Variants in ADARB1 observed in about 807,000 individuals in gnomAD.
The protein encoded by ADARB1 is adenosine deaminase RNA specific B1.
ADARB1 carries 10 observed loss-of-function variants against 52.4 expected under a neutral mutation model. The observed-to-expected ratio is 0.19, with a 90% CI of 0.12 to 0.32. The LOEUF (loss-of-function observed/expected upper bound fraction) is 0.32, where lower values mean the gene tolerates loss of function less well. ADARB1 is among the 10% of genes least tolerant of loss of function. The pLI is 1.00. For missense variants in ADARB1, 643 were observed against 922.3 expected, an observed-to-expected ratio of 0.70 and a Z score of 3.92; for synonymous variants, 349 against 371.1, an observed-to-expected ratio of 0.94 and a Z score of 0.68.
chr21:45,211,232 G>C (rs1350459268), intron 9 of ADARB1, among the ~76,000 whole-genome samples: 1 of 152,138 alleles, frequency 6.6e-6, no homozygotes, highest in Admixed American at 6.5e-5. Context: ...CCCTTAAGAC[G>C]ATCACAATGA....
Position 45,142,671 on chromosome 21 carries a change from G to A in ADARB1, c.-48+14098G>A, listed in dbSNP as rs2089790195. Among the ~76,000 whole-genome samples, 1 of 152,212 alleles carries A rather than the reference G, an allele frequency of 6.6e-6. No homozygotes were observed. The highest frequency in any genetic ancestry group is 1.5e-5 in the Non-Finnish European group (1 of 68,034). On this transcript the variant is annotated intron_variant, in intron 2 of 10. Transcript: ENST00000348831. This position sits in a 1 kb window ranked among gnomAD's most constrained non-coding sequence, Gnocchi z 4.0. ...AGCTGGCTGCCAGGCTGCTCCCCAT[G>A]AGGTGGTGGGAGCCGTGTGGGATCT...
chr21:45,210,672 G>A lies in ADARB1; in HGVS notation c.1747+5936G>A, dbSNP rs577768254. Among the ~76,000 whole-genome samples, 8 of 152,288 alleles carry A rather than the reference G, an allele frequency of 5.3e-5. No individual in the cohort carries two copies. The East Asian group carries it at 1.4e-3, about 26-fold the overall frequency. On this transcript the variant is annotated intron_variant, in intron 9 of 10. Transcript: ENST00000348831. ...AGCAGCCGCAGCCGGCAGACACCACGAGGCTTGCAGCTCACAGCCATATTC... is the reference window on the plus strand; with the variant it reads ...AGCAGCCGCAGCCGGCAGACACCACAAGGCTTGCAGCTCACAGCCATATTC...
At chr21:45,110,542 G>A (rs991124498) in intron 1 of ADARB1, among the ~76,000 whole-genome samples, 3 of 152,154 alleles carry the variant, frequency 2.0e-5, no homozygotes, top group African/African-American at 7.2e-5. Context: ...TACTGACAAT[G>A]ATGTATTTTA....
rs563886217 is a variant in ADARB1, at chr21:45,157,978, G to A, written c.-47-13632G>A. Among the ~76,000 whole-genome samples, 12 of 152,338 alleles carry A rather than the reference G, an allele frequency of 7.9e-5. No individual in the cohort carries two copies. Among genetic ancestry groups the A allele is most frequent in the African/African-American group, 2.6e-4 (11 of 41,572 alleles). On this transcript the variant is annotated intron_variant, in intron 2 of 10. Coordinates refer to ENST00000348831, the MANE Select transcript of ADARB1 (RefSeq NM_001112.4). This position sits in a 1 kb window ranked among gnomAD's most constrained non-coding sequence, Gnocchi z 4.1. ...ATTGCACAGCACCCCCACAGGAGGC[G>A]AGCCTGTGTCCTTGCCCATCACCTC...
chr21:45,213,139 G>A (rs2092801552), intron 9 of ADARB1, among the ~76,000 whole-genome samples: 2 of 152,130 alleles, frequency 1.3e-5, no homozygotes, highest in African/African-American at 4.8e-5. Context: ...CCAGGGTGCT[G>A]CCCAAAACCT....
At chr21:45,164,435 C>G (rs1283642591) in intron 2 of ADARB1, among the ~76,000 whole-genome samples, 1 of 151,640 alleles carries the variant, frequency 6.6e-6, no homozygotes, top group East Asian at 2.0e-4. Flanking sequence ...TGGAGGAGAC[C>G]GAGCCTGCCC....
chr21:45,134,388 C>T (rs1190814569), intron 2 of ADARB1, among the ~76,000 whole-genome samples: 7 of 149,958 alleles, frequency 4.7e-5, no homozygotes, highest in African/African-American at 1.5e-4. Context: ...TGTGTGCGCC[C>T]GATGGGTGTG....
rs1261204134 is a variant in ADARB1 at position 45,204,503 on chromosome 21, C to T, written c.1566-52C>T. 6 of 1,577,032 alleles carry T rather than the reference C, an allele frequency of 3.8e-6. No individual in the cohort carries two copies. Among genetic ancestry groups the T allele is most frequent in the East Asian group, 4.5e-5 (2 of 44,558 alleles). ...AACCACGCAGGCTTGGGCTGGGCTG[C>T]GTCGACACTGAGTCCGAGCTCCCTG... On this transcript the variant is annotated intron_variant, in intron 8 of 10. Coordinates refer to ENST00000348831, the MANE Select transcript of ADARB1 (RefSeq NM_001112.4). This position sits in a 1 kb window ranked among gnomAD's most constrained non-coding sequence, Gnocchi z 4.4.
rs1331494129 is a variant in ADARB1 at position 45,184,964 on chromosome 21, C to T, written c.1438C>T (p.Leu480=). The T allele has an allele frequency of 1.9e-6, 3 of 1,614,094 alleles. No individual in the cohort carries two copies. The highest frequency in any genetic ancestry group is 2.5e-6 in the Non-Finnish European group (3 of 1,179,956). Residue 480 remains leucine, a synonymous_variant, in exon 8 of 11, where the codon CTA becomes TTA. Transcript: ENST00000348831. ...RHPNRKARGQ[L]RTKIESGEGT... ...CCCAAATCGTAAAGCAAGAGGACAG[C>T]TACGGACCAAAATAGAGTCTGGTGA...
At chr21:45,197,942 T>G (rs1321197385) in intron 8 of ADARB1, among the ~76,000 whole-genome samples, 1 of 152,090 alleles carries the variant, frequency 6.6e-6, no homozygotes, top group Non-Finnish European at 1.5e-5. Context: ...ACAGGAGGTT[T>G]GGGGAGTGAG....
At chr21:45,191,053 G>T (rs1569145033) in intron 8 of ADARB1, among the ~76,000 whole-genome samples, 1 of 152,158 alleles carries the variant, frequency 6.6e-6, no homozygotes, top group Non-Finnish European at 1.5e-5. Context: ...GAGCCATTCT[G>T]GTCTGTATAT....
intron 8 of ADARB1, among the ~76,000 whole-genome samples, chr21:45,202,536 G>T (rs953405089): frequency 1.3e-5 from 2 of 152,082 alleles, no homozygotes; most frequent in Non-Finnish European, 2.9e-5. Context: ...GCTGTGCCAC[G>T]GAGTGAGTGA....
At chr21:45,085,547 A>G (rs1332076549) in intron 1 of ADARB1, among the ~76,000 whole-genome samples, 4 of 152,206 alleles carry the variant, frequency 2.6e-5, no homozygotes, top group Admixed American at 2.6e-4. Context: ...CATCAAATGC[A>G]TATTTATTAG....
At position 45,224,608 on chromosome 21, in the gene ADARB1, G is replaced by A. The variant is rs2093029349; in HGVS notation, c.*2411G>A. On this transcript the variant is annotated 3_prime_UTR_variant, in exon 11 of 11. Coordinates refer to ENST00000348831, the MANE Select transcript of ADARB1 (RefSeq NM_001112.4). ...GGGGCTACTGGGGGGCGGCTGTGAG[G>A]AGGAGTTGGGTTCAGGGAGCCCTGG... 18 of 752,022 alleles carry A rather than the reference G, an allele frequency of 2.4e-5. No homozygotes were observed. The highest frequency in any genetic ancestry group is 6.5e-5 in the South Asian group (1 of 15,296). The allele number at this position is 752,022 out of a possible 1,614,324, so 46.6% of individuals were successfully genotyped here. A position where few individuals can be genotyped will look rare whatever the true frequency, so the allele number is the denominator to read the frequency against.
At chr21:45,075,376 G>A (rs960167154) in intron 1 of ADARB1, among the ~76,000 whole-genome samples, 2 of 151,880 alleles carry the variant, frequency 1.3e-5, no homozygotes, top group African/African-American at 4.8e-5. Flanking sequence ...GGCCCGGGCA[G>A]GGGAGGCTGC....
At chr21:45,164,750 C>T (rs1369832043) in intron 2 of ADARB1, among the ~76,000 whole-genome samples, 1 of 152,130 alleles carries the variant, frequency 6.6e-6, no homozygotes, top group Non-Finnish European at 1.5e-5. Flanking sequence ...ACCCTGGCTG[C>T]TGCGAGGAGA....
intron 8 of ADARB1, among the ~76,000 whole-genome samples, chr21:45,192,647 C>G (rs1194213216): frequency 1.3e-5 from 2 of 152,056 alleles, no homozygotes; most frequent in South Asian, 4.2e-4. Context: ...CACTTGAAGA[C>G]AGAGAGAGGG....
chr21:45,113,896 A>G (rs1396650738), intron 1 of ADARB1, among the ~76,000 whole-genome samples: 1 of 152,204 alleles, frequency 6.6e-6, no homozygotes, highest in Admixed American at 6.5e-5. Context: ...TTTTGCAAGC[A>G]GTCTGCTGTT....
chr21:45,154,217 A>C (rs1236089668), intron 2 of ADARB1, among the ~76,000 whole-genome samples: 2 of 152,216 alleles, frequency 1.3e-5, no homozygotes, highest in Non-Finnish European at 2.9e-5. Context: ...GGGTTATAAG[A>C]TGTAACAATG....
Sources: gnomAD v4.1 joint callset for allele counts (sites outside exome capture counted in the v4.1 genomes callset) on GRCh38, gnomAD v4.1.1 for gene constraint, Gnocchi (gnomAD v3.1) non-coding constraint, MANE v1.5 for transcripts, NCBI Gene and HGNC (gene_info 2026-07-23, HGNC 2026-07-21) for gene names.